KLHL25: variants seen among roughly 807,000 people sequenced by gnomAD.
KLHL25 encodes the protein kelch like family member 25, also known as kelch-like protein 25.
In KLHL25, 41 loss-of-function variants were observed where a neutral mutation model predicts 30.0. That is an observed-to-expected ratio of 1.37 (90% CI 1.07 to 1.78). The LOEUF is 1.78. Among genes scored for constraint, KLHL25 ranks in the 40% most tolerant of loss-of-function variants. The probability of loss-of-function intolerance (pLI) is 0.00; values close to 1 mark genes in which losing one functional copy is unlikely to be tolerated. For missense variants in KLHL25, 971 were observed against 824.5 expected (o/e 1.18, Z -2.18); for synonymous variants, 399 against 355.3 (o/e 1.12, Z -1.38).
intron 1 of KLHL25, among the ~76,000 whole-genome samples, chr15:85,790,903 TAA>T (rs34101416): frequency 1.2e-3 from 174 of 139,270 alleles, no homozygotes; most frequent in Admixed American, 1.4e-3. Flanking sequence ...AGCTGCCATT[TAA>T]AAAAAAAAAA....
At chr15:85,766,863 G>C (rs1001942619) in intron 2 of KLHL25, among the ~76,000 whole-genome samples, 2 of 152,210 alleles carry the variant, frequency 1.3e-5, no homozygotes, top group Admixed American at 1.3e-4. Context: ...TGAGCACACA[G>C]CTGCCCCCAG....
At chr15:85,764,968 G>A (rs2089609685) in intron 2 of KLHL25, among the ~76,000 whole-genome samples, 1 of 152,206 alleles carries the variant, frequency 6.6e-6, no homozygotes, top group African/African-American at 2.4e-5. Context: ...AGGGTCCCTG[G>A]GATCAGAGCA....
chr15:85,760,688 GC>G lies in KLHL25; in HGVS notation c.*347del. ...GCGCCTCCCTGCCCCTGCCTGCCCG[GC>G]CCCAGTCCAGGACCTGCCAAACAGG... On this transcript the variant is annotated 3_prime_UTR_variant, in exon 3 of 3. Transcript: ENST00000337975. 6.5e-6 allele frequency: 1 copy of G among 152,712 alleles called. No homozygotes were observed. Among genetic ancestry groups the G allele is most frequent in the Non-Finnish European group, 1.5e-5 (1 of 68,290 alleles). 9.5% of individuals were successfully genotyped at this position (152,712 alleles called of 1,614,324 possible).
chr15:85,776,924 C>CAAAAA (rs201819421), intron 1 of KLHL25, among the ~76,000 whole-genome samples: 4 of 149,870 alleles, frequency 2.7e-5, no homozygotes, highest in South Asian at 2.1e-4. Flanking sequence ...GACTCCATCT[C>CAAAAA]AAAAAAAATA....
chr15:85,764,859 G>T (rs996813314), intron 2 of KLHL25, among the ~76,000 whole-genome samples: 3 of 152,240 alleles, frequency 2.0e-5, no homozygotes, highest in Admixed American at 6.5e-5. Context: ...CACTCCCGTT[G>T]TCCAGATGGG....
intron 2 of KLHL25, chr15:85,764,574 T>A (rs1163780977): frequency 6.6e-6 from 1 of 152,248 alleles, no homozygotes; most frequent in East Asian, 1.9e-4. Flanking sequence ...CGCTTCCTCA[T>A]CCCTAAATGG....
chr15:85,775,508 A>G (rs180761610), intron 1 of KLHL25, among the ~76,000 whole-genome samples: 1 of 152,264 alleles, frequency 6.6e-6, no homozygotes, highest in African/African-American at 2.4e-5. Flanking sequence ...CAATGACTTC[A>G]TGAAAACACA....
Position 85,769,036 on chromosome 15 carries a change from C to A in KLHL25, c.775G>T (p.Asp259Tyr), listed in dbSNP as rs2089648340. 1 of 1,609,598 alleles carries A rather than the reference C, an allele frequency of 6.2e-7. No homozygotes were observed. The highest frequency in any genetic ancestry group is 2.2e-5 in the East Asian group (1 of 44,824). The change falls in exon 2 of 3, where the codon GAC becomes TAC. Residue 259 changes from aspartate to tyrosine, a missense_variant. Physicochemically the swap from Asp to Tyr is radical, Grantham distance 160. Coordinates refer to ENST00000337975, the MANE Select transcript of KLHL25 (RefSeq NM_022480.4). ...AVSSEALLMADERTKLIMDEA... is the reference protein window; with the variant it reads ...AVSSEALLMAYERTKLIMDEA... Reference sequence around the variant, plus strand: ...TCCATGATAAGCTTGGTGCGCTCGTCTGCCATGAGGAGGGCCTCGCTGGAG... The same window carrying A: ...TCCATGATAAGCTTGGTGCGCTCGTATGCCATGAGGAGGGCCTCGCTGGAG...
At position 85,769,364 on chromosome 15, in the gene KLHL25, G is replaced by A. The variant is rs371605505; in HGVS notation, c.447C>T (p.Cys149=). ...FLEKNLFPSN[C]LGMMLLSDAH... The stretch of plus-strand genomic sequence containing the variant: ...CGTCCGAGAGCAGCATCATGCCCAG[G>A]CAGTTGGAGGGGAAAAGGTTCTTCT... Residue 149 remains cysteine (C), a synonymous_variant, in exon 2 of 3, where the codon TGC becomes TGT. Transcript: ENST00000337975. 3 of 1,614,174 alleles carry A rather than the reference G, an allele frequency of 1.9e-6. No homozygotes were observed. Among genetic ancestry groups the A allele is most frequent in the South Asian group, 2.2e-5 (2 of 91,090 alleles).
chr15:85,770,762 G>A (rs926892529), intron 1 of KLHL25, among the ~76,000 whole-genome samples: 9 of 152,206 alleles, frequency 5.9e-5, no homozygotes, highest in Non-Finnish European at 1.0e-4. Context: ...CTGGGCCAAC[G>A]CAGCGCCTCC....
In KLHL25 at chr15:85,769,422, TG is replaced by T; in HGVS notation, c.388del (p.His130ThrfsTer23). The T allele has an allele frequency of 1.2e-6, 2 of 1,614,090 alleles. No individual in the cohort carries two copies. Among genetic ancestry groups the T allele is most frequent in the East Asian group, 4.5e-5 (2 of 44,888 alleles). On this transcript the variant is annotated frameshift_variant, in exon 2 of 3. Coordinates refer to ENST00000337975, the MANE Select transcript of KLHL25 (RefSeq NM_022480.4). LOFTEE classifies it high-confidence loss of function. ...LLEAGDMLQF[H>X]DVRDAAAEFL... ...CTCGGCGGCAGCATCCCGCACATCG[TG>T]GAACTGCAGCATGTCGCCTGCCTCC...
Position 85,769,227 on chromosome 15 carries a change from T to C in KLHL25, c.584A>G (p.Asp195Gly). ...CTCCAGCTCATCACTCGAGATGAGG[T>C]CCAGCAGTGTGTCCTTGGACAGGCT... ...FNSLSKDTLL[D>G]LISSDELETE... The change falls in exon 2 of 3, where the codon GAC becomes GGC. Residue 195 changes from aspartate (D) to glycine (G), a missense_variant. Transcript: ENST00000337975. 1 of 1,613,728 alleles carries C rather than the reference T, an allele frequency of 6.2e-7. No homozygotes were observed. The highest frequency in any genetic ancestry group is 8.5e-7 in the Non-Finnish European group (1 of 1,180,012).
chr15:85,783,057 G>A (rs537960987), intron 1 of KLHL25, among the ~76,000 whole-genome samples: 27 of 152,172 alleles, frequency 1.8e-4, no homozygotes, highest in South Asian at 2.1e-4. Context: ...GGTACCTGCC[G>A]TATTATATGC....
rs745394774 is a variant in KLHL25, at chr15:85,768,219, C to T, written c.1592G>A (p.Cys531Tyr). 1.2e-6 allele frequency: 2 copies of T among 1,614,192 alleles called. No homozygotes were observed. The highest frequency in any genetic ancestry group is 8.5e-7 in the Non-Finnish European group (1 of 1,180,050). Residue 531 changes from cysteine (C) to tyrosine (Y), a missense_variant, in exon 2 of 3, where the codon TGC (cysteine) becomes TAC (tyrosine). Cys to Tyr is a radical substitution (Grantham distance 194). Coordinates refer to ENST00000337975, the MANE Select transcript of KLHL25 (RefSeq NM_022480.4). ...CTTGTTGCCGGAAGCCAGGGCATGGCAGGACATGCGCTTGGCAGTCATGTC... is the reference window on the plus strand; with the variant it reads ...CTTGTTGCCGGAAGCCAGGGCATGGTAGGACATGCGCTTGGCAGTCATGTC... ...IGDMTAKRMS[C>Y]HALASGNKLY...
intron 1 of KLHL25, among the ~76,000 whole-genome samples, chr15:85,774,586 G>A (rs2089697670): frequency 6.6e-6 from 1 of 152,200 alleles, no homozygotes; most frequent in Non-Finnish European, 1.5e-5. Context: ...CATCAAAGCT[G>A]CTTTTTCCGT....
chr15:85,785,142 G>A (rs1430537276), intron 1 of KLHL25, among the ~76,000 whole-genome samples: 4 of 145,858 alleles, frequency 2.7e-5, no homozygotes, highest in Non-Finnish European at 4.5e-5. Flanking sequence ...CACCCAGGTT[G>A]GAGTGCAGTG....
At chr15:85,775,707 C>T (rs2089704795) in intron 1 of KLHL25, among the ~76,000 whole-genome samples, 1 of 151,966 alleles carries the variant, frequency 6.6e-6, no homozygotes, top group African/African-American at 2.4e-5. Context: ...AGATGAACTC[C>T]TTGCTCTCCT....
intron 1 of KLHL25, among the ~76,000 whole-genome samples, chr15:85,784,365 A>G (rs1344376259): frequency 6.6e-6 from 1 of 152,084 alleles, no homozygotes; most frequent in Non-Finnish European, 1.5e-5. Context: ...CCCGGTATCT[A>G]CTAAAAATAT....
In KLHL25 at chr15:85,767,997, G is replaced by T; in HGVS notation, c.*24+20C>A. The stretch of plus-strand genomic sequence containing the variant: ...TGACCTTTCCGGACCCAGAGTGGCC[G>T]TGGGCTGCCAGGGACTCACCTGGCT... On this transcript the variant is annotated intron_variant, in intron 2 of 2. Coordinates refer to ENST00000337975, the MANE Select transcript of KLHL25 (RefSeq NM_022480.4). The T allele has an allele frequency of 6.6e-7, 1 of 1,519,544 alleles. No homozygotes were observed. The highest frequency in any genetic ancestry group is 9.0e-7 in the Non-Finnish European group (1 of 1,111,880). 94.1% of individuals were successfully genotyped at this position (1,519,544 alleles called of 1,614,324 possible).
Sources: allele counts gnomAD v4.1 joint callset (sites outside exome capture counted in the v4.1 genomes callset), GRCh38; gene constraint gnomAD v4.1.1; transcripts MANE v1.5; gene names NCBI Gene and HGNC (gene_info 2026-07-23, HGNC 2026-07-21).